The following ATP6V1H variants were observed in gnomAD, a reference collection of about 807,000 sequenced individuals.
ATP6V1H encodes the protein V-type proton ATPase subunit H.
In ATP6V1H, 39 loss-of-function variants were observed where a neutral mutation model predicts 71.7. That is an observed-to-expected ratio of 0.54 (90% CI 0.42 to 0.71). The LOEUF (loss-of-function observed/expected upper bound fraction) is 0.71. ATP6V1H is among the 30% of genes least tolerant of loss of function. The pLI, the probability that ATP6V1H is intolerant of heterozygous loss-of-function variation, is 0.00. For missense variants in ATP6V1H, 509 were observed against 594.9 expected, an observed-to-expected ratio of 0.86 and a Z score of 1.50; for synonymous variants, 192 against 199.3, an observed-to-expected ratio of 0.96 and a Z score of 0.31.
At chr8:53,790,125 C>A (rs1367242876) in intron 9 of ATP6V1H, among the ~76,000 whole-genome samples, 1 of 152,190 alleles carries the variant, frequency 6.6e-6, no homozygotes, top group African/African-American at 2.4e-5. Flanking sequence ...TCTCTCTAGT[C>A]TTGCTTTCTG....
chr8:53,726,796 C>T (rs2130106924), intron 13 of ATP6V1H, among the ~76,000 whole-genome samples: 1 of 152,318 alleles, frequency 6.6e-6, no homozygotes, highest in Non-Finnish European at 1.5e-5. Flanking sequence ...CCGCTCCCTC[C>T]TGCTATCTGT....
At chr8:53,783,277 G>T (rs944115052) in intron 9 of ATP6V1H, among the ~76,000 whole-genome samples, 20 of 152,172 alleles carry the variant, frequency 1.3e-4, no homozygotes, top group African/African-American at 4.8e-4. Context: ...TTGGGAGGGT[G>T]TATGTGTCTA....
At chr8:53,720,731 G>C (rs1266081377) in intron 13 of ATP6V1H, among the ~76,000 whole-genome samples, 1 of 152,166 alleles carries the variant, frequency 6.6e-6, no homozygotes, top group Non-Finnish European at 1.5e-5. Context: ...TAGGAAAAAA[G>C]TGATTTTCTA....
At chr8:53,791,746 G>A (rs1349585600) in intron 9 of ATP6V1H, among the ~76,000 whole-genome samples, 1 of 152,106 alleles carries the variant, frequency 6.6e-6, no homozygotes, top group African/African-American at 2.4e-5. Context: ...CTGGCTGTCC[G>A]CCTCTCTTCT....
At chr8:53,765,735 A>T (rs1356568697) in intron 11 of ATP6V1H, among the ~76,000 whole-genome samples, 1 of 152,196 alleles carries the variant, frequency 6.6e-6, no homozygotes, top group Admixed American at 6.5e-5. Flanking sequence ...ATGCAATCCC[A>T]ATCAAAATCC....
At chr8:53,765,978 A>G (rs774380414) in intron 11 of ATP6V1H, among the ~76,000 whole-genome samples, 7 of 152,236 alleles carry the variant, frequency 4.6e-5, no homozygotes, top group Non-Finnish European at 8.8e-5. Flanking sequence ...GCCCAGAAAT[A>G]GACCCACACA....
At chr8:53,801,281 A>C (rs947865038) in intron 8 of ATP6V1H, among the ~76,000 whole-genome samples, 1 of 152,214 alleles carries the variant, frequency 6.6e-6, no homozygotes, top group Non-Finnish European at 1.5e-5. Context: ...AAAAGCAGTT[A>C]GATCTCTCAT....
At position 53,811,190 on chromosome 8, in the gene ATP6V1H, C is replaced by G. The variant is rs1374733442; in HGVS notation, c.553G>C (p.Glu185Gln). 1 of 1,613,400 alleles carries G rather than the reference C, an allele frequency of 6.2e-7. No individual in the cohort carries two copies. The highest frequency in any genetic ancestry group is 1.1e-5 in the South Asian group (1 of 91,004). ...TCACTTGAAGAGACTGTTCCTGTTT[C>G]AACAGCAACACCGCTACCACGCAGT... The part of the protein sequence containing the change: ...QKLRGSGVAV[E>Q]TGTVSSSDSS... Residue 185 changes from glutamate to glutamine, a missense_variant, in exon 7 of 14, where the codon GAA becomes CAA. Glu to Gln is a conservative substitution (Grantham distance 29). This residue lies in a region of ATP6V1H where 297 missense variants were observed against 303.3 expected (regional missense o/e 0.98). Coordinates refer to ENST00000359530, the MANE Select transcript of ATP6V1H (RefSeq NM_015941.4).
At chr8:53,766,321 C>A (rs1284057810) in intron 11 of ATP6V1H, among the ~76,000 whole-genome samples, 2 of 152,198 alleles carry the variant, frequency 1.3e-5, no homozygotes, top group East Asian at 1.9e-4. Context: ...CCAATCAATA[C>A]CCTTGTGATT....
intron 12 of ATP6V1H, among the ~76,000 whole-genome samples, chr8:53,749,121 T>G (rs1443244542): frequency 1.3e-5 from 2 of 152,344 alleles, no homozygotes; most frequent in Non-Finnish European, 2.9e-5. Flanking sequence ...TTCATCACAT[T>G]ATCACTGTAC....
At chr8:53,766,523 T>C (rs1808472256) in intron 11 of ATP6V1H, among the ~76,000 whole-genome samples, 1 of 152,242 alleles carries the variant, frequency 6.6e-6, no homozygotes, top group Non-Finnish European at 1.5e-5. Context: ...GAGATAACCT[T>C]AAACTCTGAC....
chr8:53,815,502 A>T (rs1292963651), intron 5 of ATP6V1H, among the ~76,000 whole-genome samples: 2 of 152,154 alleles, frequency 1.3e-5, no homozygotes, highest in Admixed American at 1.3e-4. Flanking sequence ...TGGTAGACTC[A>T]TGTTTGTTCT....
At chr8:53,778,799 T>C (rs923491238) in intron 9 of ATP6V1H, among the ~76,000 whole-genome samples, 1 of 152,186 alleles carries the variant, frequency 6.6e-6, no homozygotes, top group African/African-American at 2.4e-5. Flanking sequence ...GATAAAAGTT[T>C]AAGACCCAAG....
intron 13 of ATP6V1H, among the ~76,000 whole-genome samples, chr8:53,742,857 A>T (rs1807464254): frequency 6.6e-6 from 1 of 152,214 alleles, no homozygotes; most frequent in South Asian, 2.1e-4. Context: ...ACAAAAAAAC[A>T]GAGCATCCTT....
At chr8:53,754,514 G>A (rs775967321) in intron 12 of ATP6V1H, among the ~76,000 whole-genome samples, 21 of 152,110 alleles carry the variant, frequency 1.4e-4, no homozygotes, top group Non-Finnish European at 2.6e-4. Flanking sequence ...CTAAACAAAT[G>A]GAACGAATCA....
At position 53,820,310 on chromosome 8, in the gene ATP6V1H, A is replaced by T. The variant is rs143346329; in HGVS notation, c.307-2780T>A. 5.0e-3 allele frequency among the ~76,000 whole-genome samples: 760 copies of T among 152,050 alleles called. 6 individuals are homozygous for T. The highest frequency in any genetic ancestry group is 0.025 in the South Asian group (121 of 4,824). On this transcript the variant is annotated intron_variant, in intron 4 of 13. Transcript: ENST00000359530. The stretch of plus-strand genomic sequence containing the variant: ...GGTTTAAAAAAAAAGAAGAAGAAGA[A>T]GAAGAAGCATCTTTAGGAGATTGGG...
intron 4 of ATP6V1H, among the ~76,000 whole-genome samples, chr8:53,827,748 CCT>C (rs1403932732): frequency 6.6e-6 from 1 of 151,886 alleles, no homozygotes; most frequent in African/African-American, 2.4e-5. Context: ...TTTTTCTGAT[CCT>C]CTCTCTCCCC....
At chr8:53,827,619 G>T (rs181147858) in intron 4 of ATP6V1H, among the ~76,000 whole-genome samples, 1 of 151,844 alleles carries the variant, frequency 6.6e-6, no homozygotes, top group Non-Finnish European at 1.5e-5. Context: ...TTTTCAACTC[G>T]TATTTTAGGT....
intron 2 of ATP6V1H, among the ~76,000 whole-genome samples, chr8:53,840,676 G>T (rs894185049): frequency 6.6e-6 from 1 of 152,010 alleles, no homozygotes; most frequent in African/African-American, 2.4e-5. Context: ...TAAATTAACA[G>T]AAATTAAAGG....
Sources: gnomAD v4.1 joint callset for allele counts (sites outside exome capture counted in the v4.1 genomes callset) on GRCh38, gnomAD v4.1.1 for gene constraint, gnomAD v4.1.1 regional missense constraint, MANE v1.5 for transcripts, NCBI Gene and HGNC (gene_info 2026-07-23, HGNC 2026-07-21) for gene names.